Variants in ZHX2 observed in about 807,000 individuals in gnomAD.
The protein encoded by ZHX2 is zinc fingers and homeoboxes protein 2.
In ZHX2, 6 loss-of-function variants were observed where a neutral mutation model predicts 21.9. The ratio of observed to expected loss-of-function variants is 0.27; its 90% CI spans 0.15 to 0.54. The LOEUF (loss-of-function observed/expected upper bound fraction) is 0.54, where lower values mean the gene tolerates loss of function less well. Ranked by LOEUF, ZHX2 falls within the 20% of genes least tolerant of loss-of-function variation. The probability of loss-of-function intolerance (pLI) is 0.95; values close to 1 mark genes in which losing one functional copy is unlikely to be tolerated. For missense variants in ZHX2, 908 were observed against 1,090.7 expected, an observed-to-expected ratio of 0.83 and a Z score of 2.36; for synonymous variants, 434 against 437.1, an observed-to-expected ratio of 0.99 and a Z score of 0.09.
chr8:122,894,115 A>T (rs1820041461), intron 2 of ZHX2, among the ~76,000 whole-genome samples: 2 of 152,224 alleles, frequency 1.3e-5, no homozygotes, highest in African/African-American at 4.8e-5. Context: ...TTAGTGGCCT[A>T]GGCTGCAGGT....
chr8:122,911,014 G>A (rs1451079080), intron 2 of ZHX2, among the ~76,000 whole-genome samples: 1 of 152,170 alleles, frequency 6.6e-6, no homozygotes, highest in African/African-American at 2.4e-5. Flanking sequence ...GTTTCAAACT[G>A]GAATAGAAAA....
At chr8:122,867,062 G>C (rs1819318369) in intron 2 of ZHX2, among the ~76,000 whole-genome samples, 2 of 151,628 alleles carry the variant, frequency 1.3e-5, no homozygotes, top group African/African-American at 4.8e-5. Flanking sequence ...CGAACCCCTG[G>C]ACCTCAAGTG....
intron 2 of ZHX2, among the ~76,000 whole-genome samples, chr8:122,902,503 A>T (rs888884086): frequency 6.6e-6 from 1 of 152,214 alleles, no homozygotes; most frequent in Non-Finnish European, 1.5e-5. Flanking sequence ...ACAAATTTAT[A>T]TACATAAGGA....
At chr8:122,829,546 A>G (rs1263087432) in intron 1 of ZHX2, among the ~76,000 whole-genome samples, 1 of 152,242 alleles carries the variant, frequency 6.6e-6, no homozygotes, top group Non-Finnish European at 1.5e-5. Context: ...GAACAATATG[A>G]AAACTCTCCC....
At chr8:122,954,114 C>T (rs1378882308) in intron 3 of ZHX2, 86 bp downstream of exon 3, 4 of 1,254,496 alleles carry the variant, frequency 3.2e-6, no homozygotes, top group Non-Finnish European at 4.3e-6. Context: ...TTGTAGGGTA[C>T]AGAGATGTTG....
In ZHX2 at chr8:122,952,952, G is replaced by A. The variant is rs1364765326; in HGVS notation, c.1442G>A (p.Ser481Asn). Residue 481 changes from serine to asparagine, a missense_variant, in exon 3 of 4, where the codon AGC becomes AAC. Ser to Asn is a conservative substitution (Grantham distance 46). This residue lies in a region of ZHX2 where 232 missense variants were observed against 361.8 expected (regional missense o/e 0.64). Transcript: ENST00000314393. This position sits in a 1 kb window ranked among gnomAD's most constrained non-coding sequence, Gnocchi z 6.9. ...RLIEVTGLAR[S>N]EIKKWFSDHR... is the part of the protein sequence containing the mutation. Reference sequence around the variant, plus strand: ...ATCGAGGTGACTGGCCTTGCCAGGAGCGAGATCAAGAAGTGGTTCAGTGAC... The same window carrying A: ...ATCGAGGTGACTGGCCTTGCCAGGAACGAGATCAAGAAGTGGTTCAGTGAC... 6.2e-7 allele frequency: 1 copy of A among 1,614,086 alleles called. No individual in the cohort carries two copies. The highest frequency in any genetic ancestry group is 1.3e-5 in the African/African-American group (1 of 75,026).
chr8:122,881,330 C>T (rs1363841637), intron 2 of ZHX2, among the ~76,000 whole-genome samples: 1 of 151,664 alleles, frequency 6.6e-6, no homozygotes, highest in Non-Finnish European at 1.5e-5. Flanking sequence ...AGCTCTGTTT[C>T]TTTGCCTTTG....
chr8:122,805,147 A>G (rs186543311), intron 1 of ZHX2, among the ~76,000 whole-genome samples: 1 of 147,974 alleles, frequency 6.8e-6, no homozygotes, highest in African/African-American at 2.5e-5. Flanking sequence ...AAGCAAAGGA[A>G]GCGCTGGGTG....
chr8:122,854,538 C>T (rs1818983619), intron 1 of ZHX2, among the ~76,000 whole-genome samples: 1 of 152,112 alleles, frequency 6.6e-6, no homozygotes, highest in South Asian at 2.1e-4. Flanking sequence ...CTTCCAGTCC[C>T]TCGACGCCTC....
intron 2 of ZHX2, among the ~76,000 whole-genome samples, chr8:122,932,988 T>C (rs532996665): frequency 6.6e-6 from 1 of 152,272 alleles, no homozygotes; most frequent in South Asian, 2.1e-4. Context: ...GAGTAAACCT[T>C]CACCATTTAT....
chr8:122,788,421 A>T (rs1817444533), intron 1 of ZHX2, among the ~76,000 whole-genome samples: 1 of 151,720 alleles, frequency 6.6e-6, no homozygotes, highest in Admixed American at 6.6e-5. Context: ...TAAAAAATGA[A>T]CTGGGCGTGG....
chr8:122,844,346 C>T (rs1818706618), intron 1 of ZHX2, among the ~76,000 whole-genome samples: 1 of 152,252 alleles, frequency 6.6e-6, no homozygotes, highest in South Asian at 2.1e-4. Context: ...GGTGTTGAAA[C>T]TTGACGACGC....
intron 1 of ZHX2, among the ~76,000 whole-genome samples, chr8:122,856,492 C>T (rs1819026510): frequency 6.6e-6 from 1 of 152,126 alleles, no homozygotes; most frequent in South Asian, 2.1e-4. Context: ...ACCCAAAGGG[C>T]TTCTGTTTTC....
At chr8:122,809,842 C>T (rs999176281) in intron 1 of ZHX2, among the ~76,000 whole-genome samples, 1 of 152,116 alleles carries the variant, frequency 6.6e-6, no homozygotes, top group African/African-American at 2.4e-5. Context: ...ATCATTGTAT[C>T]TATATCATTC....
At chr8:122,895,069 G>A (rs1245445464) in intron 2 of ZHX2, among the ~76,000 whole-genome samples, 3 of 152,114 alleles carry the variant, frequency 2.0e-5, no homozygotes, top group Non-Finnish European at 2.9e-5. Context: ...TTCTCATATT[G>A]TTTTTCAATC....
chr8:122,800,624 C>T (rs764919671), intron 1 of ZHX2, among the ~76,000 whole-genome samples: 8 of 152,174 alleles, frequency 5.3e-5, no homozygotes, highest in Non-Finnish European at 1.0e-4. Context: ...GGGAATTTGT[C>T]CTGGCAACTG....
At chr8:122,817,111 C>T (rs137874547) in intron 1 of ZHX2, among the ~76,000 whole-genome samples, 26 of 152,292 alleles carry the variant, frequency 1.7e-4, no homozygotes, top group African/African-American at 5.8e-4. Flanking sequence ...AATGCAGTCA[C>T]GTGATCGTAG....
At chr8:122,883,981 C>A (rs1819776041) in intron 2 of ZHX2, among the ~76,000 whole-genome samples, 2 of 152,192 alleles carry the variant, frequency 1.3e-5, no homozygotes, top group South Asian at 2.1e-4. Context: ...GCCATTTTGT[C>A]ATTTGTGAAC....
At chr8:122,950,902 AT>A (rs1034962082) in intron 2 of ZHX2, among the ~76,000 whole-genome samples, 2 of 151,932 alleles carry the variant, frequency 1.3e-5, no homozygotes, top group African/African-American at 2.4e-5. Flanking sequence ...GCCTGAGTAA[AT>A]TTCACTTGCC....
Sources: allele counts gnomAD v4.1 joint callset (sites outside exome capture counted in the v4.1 genomes callset), GRCh38; gene constraint gnomAD v4.1.1; regional missense constraint gnomAD v4.1.1; non-coding constraint Gnocchi (gnomAD v3.1); transcripts MANE v1.5; gene names NCBI Gene and HGNC (gene_info 2026-07-23, HGNC 2026-07-21).